Variants in DGKB observed in about 807,000 individuals in gnomAD.
DGKB encodes the protein 90 kDa diacylglycerol kinase.
DGKB carries 67 observed loss-of-function variants against 114.3 expected under a neutral mutation model. The observed-to-expected ratio is 0.59, with a 90% CI of 0.48 to 0.72. The LOEUF is 0.72. Among genes scored for constraint, DGKB ranks in the 30% least tolerant of loss-of-function variants. The pLI, the probability that DGKB is intolerant of heterozygous loss-of-function variation, is 0.00. For missense variants in DGKB, 907 were observed against 975.2 expected (o/e 0.93, Z 0.93); for synonymous variants, 398 against 323.1 (o/e 1.23, Z -2.49).
chr7:14,317,369 T>A (rs1273907070), intron 23 of DGKB, among the ~76,000 whole-genome samples: 2 of 138,020 alleles, frequency 1.4e-5, no homozygotes, highest in African/African-American at 2.8e-5. Flanking sequence ...ACGACATGAT[T>A]GTATATCTAG....
intron 1 of DGKB, among the ~76,000 whole-genome samples, chr7:14,900,214 G>A (rs1321740343): frequency 6.6e-6 from 1 of 152,138 alleles, no homozygotes; most frequent in East Asian, 1.9e-4. Flanking sequence ...ATGGTATTGG[G>A]ACATAACATA....
intron 21 of DGKB, among the ~76,000 whole-genome samples, chr7:14,375,035 C>T (rs1818268000): frequency 6.6e-6 from 1 of 152,144 alleles, no homozygotes; most frequent in Admixed American, 6.5e-5. Flanking sequence ...AAAACTAAGT[C>T]AGTTCTTCTG....
At chr7:14,660,314 G>T (rs1228886920) in intron 13 of DGKB, among the ~76,000 whole-genome samples, 2 of 151,594 alleles carry the variant, frequency 1.3e-5, no homozygotes, top group Non-Finnish European at 2.9e-5. Flanking sequence ...AATGGTACCA[G>T]TTCCTCCTTG....
chr7:14,435,116 T>C (rs896330199), intron 21 of DGKB, among the ~76,000 whole-genome samples: 5 of 152,180 alleles, frequency 3.3e-5, no homozygotes, highest in African/African-American at 1.2e-4. Flanking sequence ...TAATTCAAAC[T>C]AGCTCTTGAT....
intron 23 of DGKB, among the ~76,000 whole-genome samples, chr7:14,188,401 C>A (rs1167926522): frequency 2.5e-5 from 3 of 120,666 alleles, no homozygotes; most frequent in Non-Finnish European, 5.5e-5. Context: ...TGGCTCACGC[C>A]TGTAATCCCA....
chr7:14,563,111 C>A lies in DGKB; in HGVS notation c.1770+11101G>T, dbSNP rs147725529. 5.1e-4 allele frequency among the ~76,000 whole-genome samples: 78 copies of A among 152,280 alleles called. No homozygotes were observed. In the East Asian group the frequency reaches 9.1e-3, roughly 18 times the overall value. ...TTTTATGAAGGGGAATTCTGCTGTA[C>A]ACGCTCTCTTGCCTGCCACCATGTA... On this transcript the variant is annotated intron_variant, in intron 20 of 25. Coordinates refer to ENST00000402815, the MANE Select transcript of DGKB (RefSeq NM_001350709.2).
intron 4 of DGKB, among the ~76,000 whole-genome samples, chr7:14,750,671 A>G (rs957365785): frequency 4.0e-5 from 6 of 151,894 alleles, no homozygotes; most frequent in African/African-American, 1.5e-4. Flanking sequence ...ATGATTTATA[A>G]TTTCTTTCAC....
At chr7:14,583,922 T>A (rs1347506899) in intron 17 of DGKB, among the ~76,000 whole-genome samples, 1 of 152,222 alleles carries the variant, frequency 6.6e-6, no homozygotes, top group Non-Finnish European at 1.5e-5. Flanking sequence ...ATGTTATGTG[T>A]CTCTTCACCT....
intron 17 of DGKB, among the ~76,000 whole-genome samples, chr7:14,594,451 G>A (rs1367191649): frequency 6.6e-6 from 1 of 151,882 alleles, no homozygotes; most frequent in East Asian, 1.9e-4. Flanking sequence ...GAAAATGAAG[G>A]GAAAAATACG....
chr7:14,584,344 C>T (rs529515616), intron 17 of DGKB, among the ~76,000 whole-genome samples: 3 of 152,044 alleles, frequency 2.0e-5, no homozygotes, highest in South Asian at 2.1e-4. Flanking sequence ...TGTAAATGTG[C>T]GCATGTGTTT....
chr7:14,313,063 A>G (rs1355636216), intron 23 of DGKB, among the ~76,000 whole-genome samples: 4 of 152,360 alleles, frequency 2.6e-5, no homozygotes, highest in Middle Eastern at 6.8e-3. Flanking sequence ...AAAGAGTACA[A>G]AAAATTGATT....
chr7:14,335,263 T>A (rs1176096141), intron 23 of DGKB, among the ~76,000 whole-genome samples: 1 of 152,046 alleles, frequency 6.6e-6, no homozygotes, highest in Non-Finnish European at 1.5e-5. Context: ...TGATATTTCT[T>A]TAAATTAAAA....
At chr7:14,570,424 G>T (rs1798209926) in intron 20 of DGKB, among the ~76,000 whole-genome samples, 1 of 151,916 alleles carries the variant, frequency 6.6e-6, no homozygotes, top group Non-Finnish European at 1.5e-5. Flanking sequence ...TGGGAGTTAG[G>T]GGTGCTGACC....
At chr7:14,786,909 C>T (rs922248015) in intron 2 of DGKB, among the ~76,000 whole-genome samples, 15 of 151,436 alleles carry the variant, frequency 9.9e-5, no homozygotes, top group Admixed American at 2.0e-4. Context: ...GGGGTGACTG[C>T]CTGTGGAGAA....
upstream of DGKB, among the ~76,000 whole-genome samples, chr7:14,908,043 C>A (rs904910692): frequency 1.1e-4 from 16 of 152,168 alleles, no homozygotes; most frequent in Non-Finnish European, 2.2e-4. Flanking sequence ...GTAATATAGC[C>A]CAGCCATTTA....
At chr7:14,797,446 T>C (rs1043838261) in intron 2 of DGKB, among the ~76,000 whole-genome samples, 1 of 152,154 alleles carries the variant, frequency 6.6e-6, no homozygotes, top group South Asian at 2.1e-4. Context: ...TATTTCAAGA[T>C]GCTTATCCAG....
At chr7:14,335,236 C>T (rs1810435307) in intron 23 of DGKB, among the ~76,000 whole-genome samples, 4 of 151,934 alleles carry the variant, frequency 2.6e-5, no homozygotes, top group Admixed American at 2.6e-4. Context: ...CAAACCTGAT[C>T]TCATACCTTT....
intron 2 of DGKB, among the ~76,000 whole-genome samples, chr7:14,771,850 C>T (rs911648866): frequency 2.6e-5 from 4 of 152,070 alleles, no homozygotes; most frequent in Admixed American, 2.0e-4. Flanking sequence ...GCCAGGCACC[C>T]TTTTAGGTCT....
chr7:14,402,926 A>C (rs1253364985), intron 21 of DGKB, among the ~76,000 whole-genome samples: 1 of 151,932 alleles, frequency 6.6e-6, no homozygotes, highest in East Asian at 1.9e-4. Context: ...TATGCACTGC[A>C]ACATCAATTC....
Sources: allele counts gnomAD v4.1 joint callset (sites outside exome capture counted in the v4.1 genomes callset), GRCh38; gene constraint gnomAD v4.1.1; transcripts MANE v1.5; gene names NCBI Gene and HGNC (gene_info 2026-07-23, HGNC 2026-07-21).